Variants in CEP85L observed in about 807,000 individuals in gnomAD.
The protein encoded by CEP85L is centrosomal protein 85L.
CEP85L carries 60 observed loss-of-function variants against 100.3 expected under a neutral mutation model. The ratio of observed to expected loss-of-function variants is 0.60; its 90% CI spans 0.49 to 0.74. CEP85L has a LOEUF of 0.74. CEP85L is among the 30% of genes least tolerant of loss of function. CEP85L has a pLI of 0.00. For missense variants in CEP85L, 973 were observed against 936.2 expected (o/e 1.04, Z -0.51); for synonymous variants, 319 against 322.7 (o/e 0.99, Z 0.12).
intron 1 of CEP85L, among the ~76,000 whole-genome samples, chr6:118,702,772 G>A (rs1298342264): frequency 6.6e-6 from 1 of 152,246 alleles, no homozygotes; most frequent in South Asian, 2.1e-4. Context: ...TGAGGCAGGC[G>A]GATCACGAAG....
chr6:118,555,275 C>CA (rs1056231477), intron 3 of CEP85L, among the ~76,000 whole-genome samples: 1 of 151,652 alleles, frequency 6.6e-6, no homozygotes, highest in African/African-American at 2.4e-5. Flanking sequence ...ACTAAAAACA[C>CA]AAAAAAATTA....
intron 3 of CEP85L, among the ~76,000 whole-genome samples, chr6:118,547,493 C>T (rs1778274901): frequency 6.6e-6 from 1 of 151,896 alleles, no homozygotes; most frequent in Non-Finnish European, 1.5e-5. Context: ...TCTTTTTTGC[C>T]ATAAAGTTGC....
At chr6:118,641,351 A>G (rs1479003858) in intron 1 of CEP85L, among the ~76,000 whole-genome samples, 3 of 152,222 alleles carry the variant, frequency 2.0e-5, no homozygotes, top group Non-Finnish European at 4.4e-5. Context: ...GAATACATGC[A>G]TGCCAGGGAG....
intron 1 of CEP85L, among the ~76,000 whole-genome samples, chr6:118,690,743 A>C (rs1258061656): frequency 6.6e-6 from 1 of 152,244 alleles, no homozygotes; most frequent in Non-Finnish European, 1.5e-5. Context: ...TCATGTCTCT[A>C]ATCCCAGGGA....
rs746967016 is a variant in CEP85L at position 118,465,420 on chromosome 6, G to A, written c.2403C>T (p.Asn801=). Residue 801 remains asparagine, a synonymous_variant, in exon 13 of 13, where the codon AAC becomes AAT. Transcript: ENST00000368491. ...TAACACTTGATCACTGAGTAATGCA[G>A]TTGTCTCCCATGTCCTGAGCATAGC... ...SDRYAQDMGD[N]CITQ 6.2e-7 allele frequency: 1 copy of A among 1,613,182 alleles called. No homozygotes were observed. Among genetic ancestry groups the A allele is most frequent in the Non-Finnish European group, 8.5e-7 (1 of 1,179,420 alleles).
At chr6:118,493,205 A>T (rs1207612907) in intron 5 of CEP85L, among the ~76,000 whole-genome samples, 1 of 152,210 alleles carries the variant, frequency 6.6e-6, no homozygotes, top group African/African-American at 2.4e-5. Flanking sequence ...AGGAACAGGC[A>T]TTCTAGAAAG....
intron 2 of CEP85L, among the ~76,000 whole-genome samples, chr6:118,587,487 G>A (rs1368672550): frequency 1.3e-5 from 2 of 152,216 alleles, no homozygotes; most frequent in Admixed American, 6.5e-5. Flanking sequence ...AAGGATAGAA[G>A]CCCTAGTGGG....
At position 118,475,856 on chromosome 6, in the gene CEP85L, G is replaced by A. The variant is rs118057837; in HGVS notation, c.1914+4015C>T. Among the ~76,000 whole-genome samples the A allele has an allele frequency of 8.2e-3, 1,242 of 152,126 alleles. 63 individuals are homozygous for A. Among genetic ancestry groups the A allele is most frequent in the Admixed American group, 0.073 (1,115 of 15,266 alleles). ...GTTCCCACTCTTTGGTCCACTGAGC[G>A]TGCTGAGGATTGTAATGCTTCCTAA... On this transcript the variant is annotated intron_variant, in intron 10 of 12. Coordinates refer to ENST00000368491, the MANE Select transcript of CEP85L (RefSeq NM_001042475.3).
chr6:118,589,036 G>A (rs1781026721), intron 2 of CEP85L: 1 of 265,850 alleles, frequency 3.8e-6, no homozygotes, highest in Admixed American at 3.8e-5. Flanking sequence ...CGCCAGGGCT[G>A]CTTCGTCTCC....
At chr6:118,609,815 C>CAT in intron 2 of CEP85L, among the ~76,000 whole-genome samples, 1 of 152,198 alleles carries the variant, frequency 6.6e-6, no homozygotes, top group East Asian at 1.9e-4. Flanking sequence ...TGACAGTCTA[C>CAT]ATATCCATTG....
chr6:118,575,753 A>T (rs1207137190), intron 2 of CEP85L, among the ~76,000 whole-genome samples: 2 of 152,188 alleles, frequency 1.3e-5, no homozygotes, highest in Non-Finnish European at 2.9e-5. Flanking sequence ...GTCTATGGGT[A>T]CATAGGAATA....
At chr6:118,578,732 AAAAT>A (rs1006923136) in intron 2 of CEP85L, among the ~76,000 whole-genome samples, 5 of 152,216 alleles carry the variant, frequency 3.3e-5, no homozygotes, top group African/African-American at 1.2e-4. Context: ...CATCTCAAAA[AAAAT>A]AAATAAATAA....
At chr6:118,560,918 T>C (rs996576548) in intron 3 of CEP85L, among the ~76,000 whole-genome samples, 1 of 152,220 alleles carries the variant, frequency 6.6e-6, no homozygotes, top group African/African-American at 2.4e-5. Flanking sequence ...GTTGAAGACA[T>C]GTTACTAATA....
intron 6 of CEP85L, among the ~76,000 whole-genome samples, chr6:118,485,244 T>C (rs777403757): frequency 6.6e-6 from 1 of 152,242 alleles, no homozygotes; most frequent in African/African-American, 2.4e-5. Context: ...GGTTCTAAAA[T>C]ATTTTTACAG....
At chr6:118,567,794 AT>A (rs1779642411) in intron 2 of CEP85L, among the ~76,000 whole-genome samples, 1 of 152,240 alleles carries the variant, frequency 6.6e-6, no homozygotes, top group Admixed American at 6.5e-5. Flanking sequence ...TATTCAAAAA[AT>A]AAAATTCCAG....
At chr6:118,538,567 C>G (rs1430844321) in intron 3 of CEP85L, among the ~76,000 whole-genome samples, 2 of 151,910 alleles carry the variant, frequency 1.3e-5, no homozygotes, top group Non-Finnish European at 2.9e-5. Context: ...TATATATCAT[C>G]GGTTAGTATT....
intron 7 of CEP85L, among the ~76,000 whole-genome samples, chr6:118,482,206 T>G (rs1413090933): frequency 1.3e-5 from 2 of 152,138 alleles, no homozygotes; most frequent in Non-Finnish European, 2.9e-5. Flanking sequence ...TTATTTTACT[T>G]TTATTGTAAT....
At chr6:118,615,504 T>C (rs1772973193) in intron 2 of CEP85L, among the ~76,000 whole-genome samples, 1 of 151,756 alleles carries the variant, frequency 6.6e-6, no homozygotes, top group Non-Finnish European at 1.5e-5. Flanking sequence ...AGCAAAAGTC[T>C]GGGTTTCCCA....
At chr6:118,593,043 A>C (rs1781277920) in intron 2 of CEP85L, among the ~76,000 whole-genome samples, 1 of 152,238 alleles carries the variant, frequency 6.6e-6, no homozygotes, top group Admixed American at 6.5e-5. Flanking sequence ...ACCATTCAGC[A>C]AAGTAAACTA....
Sources: gnomAD v4.1 joint callset for allele counts (sites outside exome capture counted in the v4.1 genomes callset) on GRCh38, gnomAD v4.1.1 for gene constraint, MANE v1.5 for transcripts, NCBI Gene and HGNC (gene_info 2026-07-23, HGNC 2026-07-21) for gene names.